KIAA1671: variants seen among roughly 807,000 people sequenced by gnomAD.
KIAA1671 encodes the protein KIAA1671, also known as uncharacterized protein KIAA1671.
KIAA1671 carries 52 observed loss-of-function variants against 131.2 expected under a neutral mutation model. That is an observed-to-expected ratio of 0.40 (90% CI 0.32 to 0.50). The LOEUF is 0.50. KIAA1671 is among the 20% of genes least tolerant of loss of function. The pLI is 0.73. For synonymous variants in KIAA1671, 1,003 were observed against 961.6 expected (o/e 1.04, Z -0.80); for missense variants, 2,360 against 2,364.2 (o/e 1.00, Z 0.04).
chr22:25,156,180 G>A (rs926871495), intron 6 of KIAA1671, among the ~76,000 whole-genome samples: 1 of 150,558 alleles, frequency 6.6e-6, no homozygotes, highest in Admixed American at 6.6e-5. Context: ...CCGCCACCAT[G>A]CCTGGCTAAT....
chr22:25,028,903 G>A lies in KIAA1671; in HGVS notation c.904G>A (p.Ala302Thr). The A allele has an allele frequency of 1.9e-6, 3 of 1,551,606 alleles. No individual in the cohort carries two copies. The highest frequency in any genetic ancestry group is 2.4e-5 in the South Asian group (2 of 84,010). ...CAAAGAGGCCTTGCTGAGGAAGGTG[G>A]CCGATGAAGGAAGTGGACCCACAGC... Reference protein sequence around the residue: ...ENKEALLRKVADEGSGPTAGD... With the variant: ...ENKEALLRKVTDEGSGPTAGD... Residue 302 changes from alanine to threonine, a missense_variant, in exon 3 of 13, where the codon GCC becomes ACC. Coordinates refer to ENST00000358431, the MANE Select transcript of KIAA1671 (RefSeq NM_001145206.2).
intron 1 of KIAA1671, among the ~76,000 whole-genome samples, chr22:25,008,170 C>A (rs1307534396): frequency 7.3e-6 from 1 of 137,278 alleles, no homozygotes; most frequent in African/African-American, 2.8e-5. Flanking sequence ...TGCACTCCAG[C>A]CTGAGAGACA....
intron 6 of KIAA1671, chr22:25,050,616 AGAT>A (rs1927482818): frequency 6.6e-6 from 1 of 152,210 alleles, no homozygotes; most frequent in Non-Finnish European, 1.5e-5. Context: ...GGGGTAAAGA[AGAT>A]ACCCTGGCAT....
chr22:25,171,777 A>G (rs1001109416), intron 7 of KIAA1671, among the ~76,000 whole-genome samples: 4 of 152,136 alleles, frequency 2.6e-5, no homozygotes, highest in African/African-American at 9.7e-5. Context: ...GGCAAATACC[A>G]TAGAGACAGA....
At position 25,040,390 on chromosome 22, in the gene KIAA1671, A is replaced by G; in HGVS notation, c.3260A>G (p.Asn1087Ser). 6.4e-7 allele frequency: 1 copy of G among 1,551,882 alleles called. No individual in the cohort carries two copies. The change falls in exon 5 of 13, where the codon AAC (asparagine) becomes AGC (serine). Residue 1087 changes from asparagine (N) to serine (S), a missense_variant. By Grantham distance (46) the Asn-to-Ser change is conservative. Around this residue, in one of 3 missense-constraint regions of KIAA1671, gnomAD observed 1,161 missense variants for 1,204.7 expected, o/e 0.96. Coordinates refer to ENST00000358431, the MANE Select transcript of KIAA1671 (RefSeq NM_001145206.2). ...GCATTGGAGATGGCAGGCAGTAAAA[A>G]CTGGATGAAGGGACGAGAGCATGAA... ...EEALEMAGSK[N>S]WMKGREHENA... is the part of the protein sequence containing the mutation.
intron 6 of KIAA1671, among the ~76,000 whole-genome samples, chr22:25,159,642 T>C (rs1933369109): frequency 6.6e-6 from 1 of 152,128 alleles, no homozygotes; most frequent in Non-Finnish European, 1.5e-5. Flanking sequence ...TCCCCAGACA[T>C]TGACAGAATC....
At chr22:24,985,495 G>A (rs866229522) in intron 1 of KIAA1671, among the ~76,000 whole-genome samples, 57 of 152,012 alleles carry the variant, frequency 3.7e-4, no homozygotes, top group Middle Eastern at 6.8e-3. Context: ...GCCCGCCACC[G>A]CGCCCGGCTA....
At chr22:25,022,023 C>T (rs1925699537) in intron 1 of KIAA1671, among the ~76,000 whole-genome samples, 1 of 152,166 alleles carries the variant, frequency 6.6e-6, no homozygotes, top group Non-Finnish European at 1.5e-5. Flanking sequence ...ATCTGCTCGC[C>T]TCAGCCTCCC....
At chr22:24,976,927 G>C (rs1286167541) in intron 1 of KIAA1671, among the ~76,000 whole-genome samples, 2 of 152,158 alleles carry the variant, frequency 1.3e-5, no homozygotes, top group Non-Finnish European at 2.9e-5. Flanking sequence ...AAGCAGGTAG[G>C]CTCCCCTGTC....
chr22:25,096,266 T>C (rs1489592949), intron 6 of KIAA1671, among the ~76,000 whole-genome samples: 1 of 152,206 alleles, frequency 6.6e-6, no homozygotes, highest in African/African-American at 2.4e-5. Flanking sequence ...CACAGGGCCT[T>C]GAGGCTCCTT....
At chr22:24,976,527 A>G (rs956851963) in intron 1 of KIAA1671, among the ~76,000 whole-genome samples, 2 of 152,152 alleles carry the variant, frequency 1.3e-5, no homozygotes, top group African/African-American at 4.8e-5. Context: ...GCGGAAGCCC[A>G]GGAGCTGTCT....
chr22:25,171,250 A>T (rs1933838036), intron 7 of KIAA1671, among the ~76,000 whole-genome samples: 1 of 152,072 alleles, frequency 6.6e-6, no homozygotes, highest in Admixed American at 6.6e-5. Context: ...AATACAAAAA[A>T]TTAGCTGGGT....
At chr22:24,972,328 C>T (rs749193600) in intron 1 of KIAA1671, among the ~76,000 whole-genome samples, 11 of 152,214 alleles carry the variant, frequency 7.2e-5, no homozygotes, top group South Asian at 2.1e-4. Flanking sequence ...ACCCTGTGCT[C>T]ATAAGCATAT....
At chr22:25,031,373 T>C (rs1224399846) in intron 3 of KIAA1671, among the ~76,000 whole-genome samples, 1 of 152,056 alleles carries the variant, frequency 6.6e-6, no homozygotes, top group Non-Finnish European at 1.5e-5. Flanking sequence ...ATTTTTTGCA[T>C]TTTTAGTAGA....
At chr22:25,117,332 T>G (rs1341750139) in intron 6 of KIAA1671, among the ~76,000 whole-genome samples, 1 of 152,042 alleles carries the variant, frequency 6.6e-6, no homozygotes, top group African/African-American at 2.4e-5. Context: ...ACTTTGTGAA[T>G]GGAGAAATCT....
At chr22:25,018,322 A>G (rs1420499996) in intron 1 of KIAA1671, among the ~76,000 whole-genome samples, 1 of 152,070 alleles carries the variant, frequency 6.6e-6, no homozygotes, top group Admixed American at 6.6e-5. Flanking sequence ...CGACGTGGTA[A>G]TTAGAGCTTA....
intron 1 of KIAA1671, among the ~76,000 whole-genome samples, chr22:24,973,389 GTTTTTTTT>G (rs57519039): frequency 0.21 from 14,778 of 70,072 alleles, 923 homozygotes; most frequent in South Asian, 0.36. Flanking sequence ...GCATATGATG[GTTTTTTTT>G]TTTTTTTTTT....
Position 25,041,901 on chromosome 22 carries a change from T to G in KIAA1671, c.4395+376T>G, listed in dbSNP as rs370384071. 1.9e-3 allele frequency among the ~76,000 whole-genome samples: 295 copies of G among 152,288 alleles called. 7 individuals are homozygous for G. The South Asian group carries it at 0.041, about 21-fold the overall frequency. On this transcript the variant is annotated intron_variant, in intron 5 of 12. Coordinates refer to ENST00000358431, the MANE Select transcript of KIAA1671 (RefSeq NM_001145206.2). Reference sequence around the variant, plus strand: ...CTGGGATGACAGGCATGCGCCACCATGCTTGGCTAATTTTTTATTTTTTGT... The same window carrying G: ...CTGGGATGACAGGCATGCGCCACCAGGCTTGGCTAATTTTTTATTTTTTGT...
intron 6 of KIAA1671, among the ~76,000 whole-genome samples, chr22:25,134,066 C>T (rs985532182): frequency 1.3e-5 from 2 of 152,212 alleles, no homozygotes; most frequent in African/African-American, 4.8e-5. Context: ...GTGACACCGC[C>T]TCTTTGGAGC....
Sources: gnomAD v4.1 joint callset for allele counts (sites outside exome capture counted in the v4.1 genomes callset) on GRCh38, gnomAD v4.1.1 for gene constraint, gnomAD v4.1.1 regional missense constraint, MANE v1.5 for transcripts, NCBI Gene and HGNC (gene_info 2026-07-23, HGNC 2026-07-21) for gene names.